Variants in SLC4A8 observed in about 807,000 individuals in gnomAD.
SLC4A8 encodes the protein electroneutral sodium bicarbonate exchanger 1.
SLC4A8 carries 40 observed loss-of-function variants against 125.0 expected under a neutral mutation model. The ratio of observed to expected loss-of-function variants is 0.32; its 90% CI spans 0.25 to 0.42. The LOEUF (loss-of-function observed/expected upper bound fraction) is 0.42. Among genes scored for constraint, SLC4A8 ranks in the 10% least tolerant of loss-of-function variants. The pLI is 1.00. For missense variants in SLC4A8, 863 were observed against 1,355.1 expected, an observed-to-expected ratio of 0.64 and a Z score of 5.70; for synonymous variants, 456 against 476.0, an observed-to-expected ratio of 0.96 and a Z score of 0.55.
At chr12:51,398,001 T>C (rs1295179710) in intron 1 of SLC4A8, among the ~76,000 whole-genome samples, 1 of 152,098 alleles carries the variant, frequency 6.6e-6, no homozygotes, top group South Asian at 2.1e-4. Flanking sequence ...CTCAAACTCC[T>C]GAGCTCAAGT....
intron 1 of SLC4A8, among the ~76,000 whole-genome samples, chr12:51,433,867 T>TGG (rs1949291499): frequency 7.3e-6 from 1 of 136,436 alleles, no homozygotes; most frequent in Non-Finnish European, 1.5e-5. Flanking sequence ...TTTTTTTTTT[T>TGG]TTTTTTTTTT....
intron 22 of SLC4A8, among the ~76,000 whole-genome samples, chr12:51,498,594 A>G (rs528300306): frequency 1.3e-5 from 2 of 151,074 alleles, no homozygotes; most frequent in East Asian, 3.9e-4. Flanking sequence ...AAAAATAGTA[A>G]TATAGGCTGG....
chr12:51,395,514 G>A (rs759075333), intron 1 of SLC4A8, among the ~76,000 whole-genome samples: 6 of 152,332 alleles, frequency 3.9e-5, no homozygotes, highest in Admixed American at 1.3e-4. Context: ...CTGTGAGGCC[G>A]TTGACACCAG....
In SLC4A8 at chr12:51,426,336, T is replaced by G. The variant is rs937442728; in HGVS notation, c.48+1301T>G. Among the ~76,000 whole-genome samples, 6 of 152,198 alleles carry G rather than the reference T, an allele frequency of 3.9e-5. No homozygotes were observed. The East Asian group carries it at 9.6e-4, about 24-fold the overall frequency. ...CTATTAAATGTATTCAATCTCTGTTTGGGATACAATGGTAAGAAAAAATAG... is the reference window on the plus strand; with the variant it reads ...CTATTAAATGTATTCAATCTCTGTTGGGGATACAATGGTAAGAAAAAATAG... On this transcript the variant is annotated intron_variant, in intron 1 of 24. Transcript: ENST00000453097.
chr12:51,471,376 G>T lies in SLC4A8; in HGVS notation c.1748G>T (p.Ser583Ile). Reference sequence around the variant, plus strand: ...ATTGTCCTTGTGGCAACTGATGCCAGTTCCCTTGTCTGCTACATTACCCGT... The same window carrying T: ...ATTGTCCTTGTGGCAACTGATGCCATTTCCCTTGTCTGCTACATTACCCGT... ...LCIVLVATDA[S>I]SLVCYITRFT... The change falls in exon 14 of 25, where the codon AGT (serine) becomes ATT (isoleucine). Residue 583 changes from serine to isoleucine, a missense_variant. Around this residue, in one of 6 missense-constraint regions of SLC4A8, gnomAD observed 390 missense variants for 634.4 expected, o/e 0.61. Transcript: ENST00000453097. 6.2e-7 allele frequency: 1 copy of T among 1,614,160 alleles called. No homozygotes were observed. The highest frequency in any genetic ancestry group is 2.2e-5 in the East Asian group (1 of 44,882).
At chr12:51,462,072 T>G (rs182228579) in intron 9 of SLC4A8, 184 of 486,174 alleles carry the variant, frequency 3.8e-4, no homozygotes, top group African/African-American at 3.1e-3. Flanking sequence ...GACTCATGTC[T>G]TATCTCTTCT....
intron 2 of SLC4A8, among the ~76,000 whole-genome samples, chr12:51,445,234 G>A (rs764660824): frequency 1.3e-5 from 2 of 152,098 alleles, no homozygotes; most frequent in African/African-American, 2.4e-5. Flanking sequence ...GCAGTAGTGC[G>A]ATCATGGCTC....
chr12:51,452,860 A>G (rs1315617009), intron 4 of SLC4A8, among the ~76,000 whole-genome samples: 2 of 152,198 alleles, frequency 1.3e-5, no homozygotes, highest in African/African-American at 4.8e-5. Flanking sequence ...TCCTCTAGTA[A>G]CTGACCAGTG....
chr12:51,491,828 T>C (rs563104193), intron 19 of SLC4A8, among the ~76,000 whole-genome samples: 2 of 151,454 alleles, frequency 1.3e-5, no homozygotes, highest in Non-Finnish European at 2.9e-5. Context: ...ATCTCAAAAA[T>C]CTTCCAAATC....
At position 51,457,412 on chromosome 12, in the gene SLC4A8, G is replaced by A. The variant is rs768967843; in HGVS notation, c.636G>A (p.Val212=). The A allele has an allele frequency of 1.3e-5, 21 of 1,613,908 alleles. No individual in the cohort carries two copies. The South Asian group carries it at 2.0e-4, about 15-fold the overall frequency. ...TGAATGACAGCATGAGGGTTAAAGT[G>A]CGGGAAGCCCTTCTCAAAAAGCATC... is the stretch of plus-strand genomic sequence containing the variant. ...SDLNDSMRVK[V]REALLKKHHH... The change falls in exon 6 of 25, where the codon GTG becomes GTA. Residue 212 remains valine, a synonymous_variant. Coordinates refer to ENST00000453097, the MANE Select transcript of SLC4A8 (RefSeq NM_001039960.3).
chr12:51,424,423 C>T (rs1259373186), upstream of SLC4A8: 1 of 152,552 alleles, frequency 6.6e-6, no homozygotes, highest in African/African-American at 2.4e-5. Context: ...GCTCTTTAAT[C>T]TGGCCATTAG....
intron 1 of SLC4A8, among the ~76,000 whole-genome samples, chr12:51,409,033 T>TAC (rs1491136905): frequency 0.012 from 360 of 29,008 alleles, 4 homozygotes; most frequent in African/African-American, 0.069. Context: ...ATATATATAC[T>TAC]TTTTTTTTTT....
intron 3 of SLC4A8, 137 bp from the exon 4 acceptor site, chr12:51,451,987 C>G: frequency 1.2e-6 from 1 of 827,656 alleles, no homozygotes. Context: ...AGCTTTTTCT[C>G]TGAGAATAAA....
chr12:51,461,462 A>G (rs1950321459), intron 9 of SLC4A8, 171 bp downstream of exon 9: 2 of 485,802 alleles, frequency 4.1e-6, no homozygotes, highest in Non-Finnish European at 3.7e-6. Context: ...ACCAAGCTCT[A>G]GAGGATTTTT....
rs551285414 is a variant in SLC4A8 at position 51,447,099 on chromosome 12, G to A, written c.131-3777G>A. On this transcript the variant is annotated intron_variant, in intron 2 of 24. Coordinates refer to ENST00000453097, the MANE Select transcript of SLC4A8 (RefSeq NM_001039960.3). ...CTATCTATCTATCTATCTAGAGATA[G>A]GGTCTCATTCTGTCACCCAGGCTGG... 4.7e-5 allele frequency among the ~76,000 whole-genome samples: 4 copies of A among 85,492 alleles called. No homozygotes were observed. In the South Asian group the frequency reaches 1.4e-3, roughly 30 times the overall value. The allele number at this position is 85,492 out of a possible 152,430, so 56.1% of individuals were successfully genotyped here.
intron 1 of SLC4A8, among the ~76,000 whole-genome samples, chr12:51,436,985 G>A (rs1949442646): frequency 6.6e-6 from 1 of 152,140 alleles, no homozygotes; most frequent in Non-Finnish European, 1.5e-5. Context: ...TAGATAAAAG[G>A]TAGCAAATTA....
chr12:51,408,176 G>T (rs781225720), intron 1 of SLC4A8, among the ~76,000 whole-genome samples: 1 of 152,116 alleles, frequency 6.6e-6, no homozygotes, highest in Non-Finnish European at 1.5e-5. Context: ...GGGGGCTAGG[G>T]GTTAGGACTT....
chr12:51,463,409 G>GT (rs1950406793), intron 10 of SLC4A8, among the ~76,000 whole-genome samples: 1 of 125,466 alleles, frequency 8.0e-6, no homozygotes, highest in African/African-American at 3.2e-5. Flanking sequence ...AGAAATTATG[G>GT]GGTGTGTGTG....
Position 51,510,690 on chromosome 12 carries a change from A to T in SLC4A8, c.*3252A>T, listed in dbSNP as rs946834718. Reference sequence around the variant, plus strand: ...CCCTCTCTTTCTTTTCATGCAAGAGACTTTAAGGGTAACCTCTTCAGTTGA... The same window carrying T: ...CCCTCTCTTTCTTTTCATGCAAGAGTCTTTAAGGGTAACCTCTTCAGTTGA... On this transcript the variant is annotated 3_prime_UTR_variant, in exon 25 of 25. Coordinates refer to ENST00000453097, the MANE Select transcript of SLC4A8 (RefSeq NM_001039960.3). 6.6e-6 allele frequency: 1 copy of T among 152,094 alleles called. No individual in the cohort carries two copies. Among genetic ancestry groups the T allele is most frequent in the Non-Finnish European group, 1.5e-5 (1 of 68,032 alleles). The allele number at this position is 152,094 out of a possible 1,614,324, so 9.4% of individuals were successfully genotyped here. A position where few individuals can be genotyped will look rare whatever the true frequency, so the allele number is the denominator to read the frequency against.
Sources: gnomAD v4.1 joint callset for allele counts (sites outside exome capture counted in the v4.1 genomes callset) on GRCh38, gnomAD v4.1.1 for gene constraint, gnomAD v4.1.1 regional missense constraint, MANE v1.5 for transcripts, NCBI Gene and HGNC (gene_info 2026-07-23, HGNC 2026-07-21) for gene names.